The following STK33 variants were observed in gnomAD, a reference collection of about 807,000 sequenced individuals.
STK33 encodes the protein serine/threonine kinase 33.
STK33 carries 52 observed loss-of-function variants against 58.0 expected under a neutral mutation model. The ratio of observed to expected loss-of-function variants is 0.90; its 90% confidence interval spans 0.72 to 1.13. The LOEUF is 1.13. Ranked by LOEUF, STK33 falls within the 50% of genes most tolerant of loss-of-function variation. STK33 has a pLI of 0.00. For missense variants in STK33, 630 were observed against 604.2 expected (o/e 1.04, Z -0.45); for synonymous variants, 215 against 200.1 (o/e 1.07, Z -0.63).
intron 1 of STK33, among the ~76,000 whole-genome samples, chr11:8,583,794 TTC>T (rs961865622): frequency 3.3e-5 from 5 of 152,192 alleles, no homozygotes; most frequent in African/African-American, 1.2e-4. Context: ...ACTGTTTAGT[TTC>T]CCTGGAGATT....
intron 15 of STK33, among the ~76,000 whole-genome samples, chr11:8,396,439 T>C (rs1459752141): frequency 6.6e-6 from 1 of 152,230 alleles, no homozygotes; most frequent in Non-Finnish European, 1.5e-5. Context: ...AAGTTTAGGA[T>C]GGCATTGTTC....
intron 1 of STK33, among the ~76,000 whole-genome samples, chr11:8,580,208 G>A (rs1295536828): frequency 1.3e-5 from 2 of 152,020 alleles, no homozygotes; most frequent in African/African-American, 4.8e-5. Flanking sequence ...AAGATTTGGG[G>A]GCAACCTAAG....
intron 1 of STK33, among the ~76,000 whole-genome samples, chr11:8,528,156 G>C (rs746537078): frequency 6.6e-6 from 1 of 152,216 alleles, no homozygotes; most frequent in Non-Finnish European, 1.5e-5. Context: ...ATCAAGCCCA[G>C]AGAGTCAGGA....
At chr11:8,435,761 G>A (rs927278721) in intron 13 of STK33, among the ~76,000 whole-genome samples, 182 bp from the exon 14 acceptor site, 3 of 152,060 alleles carry the variant, frequency 2.0e-5, no homozygotes, top group Non-Finnish European at 2.9e-5. Flanking sequence ...TTTATTGCCT[G>A]GATTACCTAG....
chr11:8,508,285 T>C (rs1315926957), intron 1 of STK33, among the ~76,000 whole-genome samples: 5 of 149,522 alleles, frequency 3.3e-5, no homozygotes, highest in Non-Finnish European at 5.9e-5. Flanking sequence ...TTTTTTTTTT[T>C]TGAGACAGGG....
At chr11:8,380,211 T>C in the STK33 span, among the ~76,000 whole-genome samples, 2 of 152,158 alleles carry the variant, frequency 1.3e-5, no homozygotes, top group African/African-American at 4.8e-5. Flanking sequence ...CCACACTGTT[T>C]TCCACAATGG....
rs529779564 is a variant in STK33, at chr11:8,421,998, T to C, written c.1147-8306A>G. On this transcript the variant is annotated intron_variant, in intron 14 of 15. Coordinates refer to ENST00000687296, the MANE Select transcript of STK33 (RefSeq NM_001352389.2). Reference sequence around the variant, plus strand: ...TATAAATAATAAATCTTATTTCTGTTTTTCAAGTCTCACTTTAGTCTTCAG... The same window carrying C: ...TATAAATAATAAATCTTATTTCTGTCTTTCAAGTCTCACTTTAGTCTTCAG... Among the ~76,000 whole-genome samples the C allele has an allele frequency of 3.3e-5, 5 of 152,230 alleles. No individual in the cohort carries two copies. In the East Asian group the frequency reaches 5.8e-4, roughly 18 times the overall value.
chr11:8,522,808 G>C (rs1394154754), intron 1 of STK33, among the ~76,000 whole-genome samples: 1 of 151,252 alleles, frequency 6.6e-6, no homozygotes, highest in Non-Finnish European at 1.5e-5. Flanking sequence ...CCTCTCCCTC[G>C]TCTCCCCTTT....
chr11:8,586,218 GAAA>G (rs142885342), intron 1 of STK33, among the ~76,000 whole-genome samples: 5 of 101,932 alleles, frequency 4.9e-5, no homozygotes, highest in Non-Finnish European at 5.9e-5. Flanking sequence ...TCCTATCTCG[GAAA>G]AAAAAAAAAA....
At chr11:8,395,764 C>T (rs1249812959) in intron 15 of STK33, among the ~76,000 whole-genome samples, 1 of 152,200 alleles carries the variant, frequency 6.6e-6, no homozygotes, top group Admixed American at 6.5e-5. Context: ...ACATTTTGCA[C>T]ATGACATTTT....
chr11:8,561,622 G>C (rs910214574), intron 1 of STK33, among the ~76,000 whole-genome samples: 2 of 151,906 alleles, frequency 1.3e-5, no homozygotes, highest in Non-Finnish European at 2.9e-5. Context: ...TGAAATTATT[G>C]TCCATTCGTT....
intron 7 of STK33, among the ~76,000 whole-genome samples, chr11:8,463,221 T>G (rs1292827515): frequency 3.9e-5 from 6 of 152,200 alleles, no homozygotes; most frequent in Middle Eastern, 6.8e-3. Flanking sequence ...TGGAAGACAA[T>G]TTTTCCATGA....
intron 15 of STK33, among the ~76,000 whole-genome samples, chr11:8,406,619 G>A (rs937229455): frequency 6.6e-6 from 1 of 152,072 alleles, no homozygotes; most frequent in East Asian, 1.9e-4. Context: ...AGTGTTTTAT[G>A]TTTTGTGGCA....
At chr11:8,400,516 A>C (rs1258237110) in intron 15 of STK33, among the ~76,000 whole-genome samples, 13 of 152,064 alleles carry the variant, frequency 8.5e-5, no homozygotes, top group East Asian at 1.9e-4. Context: ...CAATATCATA[A>C]TGAATGGGCA....
At chr11:8,369,283 T>C in the STK33 span, among the ~76,000 whole-genome samples, 1 of 137,868 alleles carries the variant, frequency 7.3e-6, no homozygotes, top group South Asian at 2.5e-4. Flanking sequence ...CTGTGGTGTT[T>C]GGGTTTTTAC....
chr11:8,491,991 C>G (rs560035046), intron 1 of STK33, among the ~76,000 whole-genome samples: 1 of 152,116 alleles, frequency 6.6e-6, no homozygotes, highest in African/African-American at 2.4e-5. Context: ...TGCAAAAACA[C>G]GCCAAATTGT....
intron 1 of STK33, among the ~76,000 whole-genome samples, chr11:8,495,920 G>A (rs1040668815): frequency 4.6e-5 from 7 of 151,526 alleles, no homozygotes; most frequent in Admixed American, 2.6e-4. Context: ...AACACAGGGC[G>A]GGGAATATCA....
intron 8 of STK33, among the ~76,000 whole-genome samples, chr11:8,460,173 CACA>C (rs1947342943): frequency 6.6e-6 from 1 of 152,090 alleles, no homozygotes; most frequent in African/African-American, 2.4e-5. Flanking sequence ...AGGTAAAATT[CACA>C]ACATCTGGCA....
intron 15 of STK33, among the ~76,000 whole-genome samples, chr11:8,406,812 T>A (rs545573210): frequency 6.6e-6 from 1 of 152,134 alleles, no homozygotes; most frequent in South Asian, 2.1e-4. Flanking sequence ...CTTTACAATA[T>A]ATATAATTTT....
Sources: allele counts gnomAD v4.1 joint callset (sites outside exome capture counted in the v4.1 genomes callset), GRCh38; gene constraint gnomAD v4.1.1; transcripts MANE v1.5; gene names NCBI Gene and HGNC (gene_info 2026-07-23, HGNC 2026-07-21).